The following TIA1 variants were observed in gnomAD, a reference collection of about 807,000 sequenced individuals.
The protein encoded by TIA1 is cytotoxic granule associated RNA binding protein TIA1.
Under a neutral mutation model 65.9 loss-of-function variants are expected in TIA1, and 23 were observed. The observed-to-expected ratio is 0.35, with a 90% CI of 0.25 to 0.49. The LOEUF (loss-of-function observed/expected upper bound fraction) is 0.49. Ranked by LOEUF, TIA1 falls within the 20% of genes least tolerant of loss-of-function variation. The pLI is 0.98. For synonymous variants in TIA1, 147 were observed against 149.4 expected (o/e 0.98, Z 0.12); for missense variants, 371 against 477.9 (o/e 0.78, Z 2.09).
At chr2:70,215,772 G>C in intron 10 of TIA1, 1 of 339,800 alleles carries the variant, frequency 2.9e-6, no homozygotes, top group South Asian at 3.2e-5. Context: ...TTTTGAGATG[G>C]TGTCTGGCTC....
At chr2:70,243,282 C>A (rs1382121647) in intron 1 of TIA1, among the ~76,000 whole-genome samples, 1 of 152,026 alleles carries the variant, frequency 6.6e-6, no homozygotes, top group Non-Finnish European at 1.5e-5. Context: ...TAAAAATTAG[C>A]CAGACATGGT....
At chr2:70,227,709 G>A (rs1348727678) in intron 6 of TIA1, 26 bp downstream of exon 6, 5 of 1,447,308 alleles carry the variant, frequency 3.5e-6, no homozygotes, top group Non-Finnish European at 3.8e-6. Flanking sequence ...TAATTAAAAG[G>A]ATTTTATTTA....
Position 70,216,309 on chromosome 2 carries a change from C to CA in TIA1, c.680-18dup, listed in dbSNP as rs749618875. On this transcript the variant is annotated splice_polypyrimidine_tract_variant and intron_variant, in intron 9 of 12. Coordinates refer to ENST00000433529, the MANE Select transcript of TIA1 (RefSeq NM_022173.4). ...TTAGTTGTTCTGTTAGACAAAAAAC[C>CA]AAAACAAACAAATCACACTAAGTTA... 15 of 1,580,164 alleles carry CA rather than the reference C, an allele frequency of 9.5e-6. No individual in the cohort carries two copies. In the African/African-American group the frequency reaches 1.6e-4, roughly 17 times the overall value.
intron 6 of TIA1, 51 bp downstream of exon 6, chr2:70,227,684 A>G: frequency 8.3e-7 from 1 of 1,198,666 alleles, no homozygotes; most frequent in Non-Finnish European, 1.2e-6. Context: ...AGTTATGTCT[A>G]CATATAATTG....
At position 70,211,173 on chromosome 2, in the gene TIA1, G is replaced by A. The variant is rs983507815; in HGVS notation, c.*1546C>T. On this transcript the variant is annotated 3_prime_UTR_variant, in exon 13 of 13. Coordinates refer to ENST00000433529, the MANE Select transcript of TIA1 (RefSeq NM_022173.4). ...CCTTTCCTCTTGAGTAAAGGAAGAA[G>A]GAGGTTTGTGATCTTCACTGAAAAC... is the stretch of plus-strand genomic sequence containing the variant. 1 of 152,094 alleles carries A rather than the reference G, an allele frequency of 6.6e-6. No individual in the cohort carries two copies. The highest frequency in any genetic ancestry group is 1.5e-5 in the Non-Finnish European group (1 of 68,024). 9.4% of individuals were successfully genotyped at this position (152,094 alleles called of 1,614,324 possible).
chr2:70,214,653 A>C (rs889862989), intron 11 of TIA1, among the ~76,000 whole-genome samples, 159 bp from the exon 12 acceptor site: 5 of 151,908 alleles, frequency 3.3e-5, no homozygotes, highest in Admixed American at 6.6e-5. Context: ...AAAAAAAAAA[A>C]AAAAACAAAA....
chr2:70,245,280 C>A (rs767348554), intron 1 of TIA1, among the ~76,000 whole-genome samples: 3 of 152,184 alleles, frequency 2.0e-5, no homozygotes, highest in Admixed American at 6.5e-5. Flanking sequence ...AGCCACCATG[C>A]CTGGCCAGCT....
chr2:70,238,535 TA>T (rs1357905496), intron 1 of TIA1, among the ~76,000 whole-genome samples: 1 of 152,080 alleles, frequency 6.6e-6, no homozygotes, highest in African/African-American at 2.4e-5. Flanking sequence ...TTGTTCAATT[TA>T]GGTAGACTTT....
chr2:70,238,463 G>A (rs1690136965), intron 1 of TIA1, among the ~76,000 whole-genome samples: 1 of 151,258 alleles, frequency 6.6e-6, no homozygotes, highest in Non-Finnish European at 1.5e-5. Flanking sequence ...GGTAGAGACG[G>A]GGTTTCACCA....
intron 10 of TIA1, 109 bp downstream of exon 10, chr2:70,216,099 G>T: frequency 9.6e-7 from 1 of 1,038,930 alleles, no homozygotes. Flanking sequence ...AGAAAACGAG[G>T]TAAATGTTCA....
At chr2:70,216,125 GA>G (rs1678536145) in intron 10 of TIA1, 82 bp downstream of exon 10, 1 of 1,174,566 alleles carries the variant, frequency 8.5e-7, no homozygotes, top group East Asian at 2.7e-5. Flanking sequence ...TATTTTGGAG[GA>G]AAAAGTTTTT....
intron 5 of TIA1, chr2:70,228,573 T>C: frequency 9.0e-7 from 1 of 1,105,494 alleles, no homozygotes; most frequent in Non-Finnish European, 1.1e-6. Flanking sequence ...AAAAGACAAT[T>C]ATCAAAAAAA....
rs762783979 is a variant in TIA1, at chr2:70,217,002, G to A, written c.475-8C>T. The A allele has an allele frequency of 4.1e-5, 65 of 1,603,346 alleles. No homozygotes were observed. Among genetic ancestry groups the A allele is most frequent in the African/African-American group, 5.4e-5 (4 of 74,312 alleles). On this transcript the variant is annotated splice_region_variant and splice_polypyrimidine_tract_variant and intron_variant, in intron 7 of 12. Coordinates refer to ENST00000433529, the MANE Select transcript of TIA1 (RefSeq NM_022173.4). The stretch of plus-strand genomic sequence containing the variant: ...AATGGCGTTTTCAGCATCCTGTTCC[G>A]TACAACATTAGAAACAATAAAGAAG...
rs11380260 is a variant in TIA1 at position 70,242,494 on chromosome 2, C to CAAAAAAAA, written c.26+5903_26+5910dup. 7.8e-4 allele frequency among the ~76,000 whole-genome samples: 26 copies of CAAAAAAAA among 33,468 alleles called. 3 individuals carry two copies. The highest frequency in any genetic ancestry group is 3.5e-3 in the African/African-American group (25 of 7,048). 22.0% of individuals were successfully genotyped at this position (33,468 alleles called of 152,430 possible). A position where few individuals can be genotyped will look rare whatever the true frequency, so the allele number is the denominator to read the frequency against. Reference sequence around the variant, plus strand: ...AGCCTGAGTGACAGAGACTCAGTCTCAAAAAAAAAAAAAAAAAAAAAAAAA... The same window carrying CAAAAAAAA: ...AGCCTGAGTGACAGAGACTCAGTCTCAAAAAAAAAAAAAAAAAAAAAAAAAAAAAAAAA... On this transcript the variant is annotated intron_variant, in intron 1 of 12. Coordinates refer to ENST00000433529, the MANE Select transcript of TIA1 (RefSeq NM_022173.4).
rs539385080 is a variant in TIA1 at position 70,210,523 on chromosome 2, A to G, written c.*2196T>C. 6.6e-6 allele frequency: 1 copy of G among 152,304 alleles called. No homozygotes were observed. Among genetic ancestry groups the G allele is most frequent in the African/African-American group, 2.4e-5 (1 of 41,586 alleles). 9.4% of individuals were successfully genotyped at this position (152,304 alleles called of 1,614,324 possible). On this transcript the variant is annotated 3_prime_UTR_variant, in exon 13 of 13. Transcript: ENST00000433529. ...CCACTTTCTTCTCAGAAAGTAGTCA[A>G]TGTACATTTTAAGATTTGTGCAATA... is the stretch of plus-strand genomic sequence containing the variant.
intron 10 of TIA1, chr2:70,215,732 C>G: frequency 2.4e-6 from 1 of 424,264 alleles, no homozygotes; most frequent in East Asian, 4.7e-5. Flanking sequence ...GGCAAATACG[C>G]TGGATGCTAG....
chr2:70,231,513 T>TTA (rs1686284209), intron 2 of TIA1, among the ~76,000 whole-genome samples: 1 of 152,006 alleles, frequency 6.6e-6, no homozygotes, highest in East Asian at 1.9e-4. Context: ...CTTCAACAGG[T>TTA]TATACTATAG....
At position 70,215,382 on chromosome 2, in the gene TIA1, G is replaced by C; in HGVS notation, c.877C>G (p.Pro293Ala). ...AAGAACCCTCTCACCTGTTGCACGG[G>C]ATTTATCATATCAAGAGTTTCTTTG... is the stretch of plus-strand genomic sequence containing the variant. ...WGKETLDMIN[P>A]VQQQNQIGYP... Residue 293 changes from proline to alanine, a missense_variant, in exon 11 of 13, where the codon CCC (proline) becomes GCC (alanine). Physicochemically the swap from Pro to Ala is conservative, Grantham distance 27 (BLOSUM62 -1). Coordinates refer to ENST00000433529, the MANE Select transcript of TIA1 (RefSeq NM_022173.4). 6.2e-7 allele frequency: 1 copy of C among 1,613,978 alleles called. No homozygotes were observed. The highest frequency in any genetic ancestry group is 1.1e-5 in the South Asian group (1 of 91,080).
In TIA1 at chr2:70,230,851, C is replaced by G; in HGVS notation, c.127G>C (p.Ala43Pro). ...CKNCKMIMDT[A>P]GNDPYCFVEF... ...ACAAAACAATAGGGATCATTTCCAG[C>G]TGTCTGTGGGAGAAGAAACACAAAA... The change falls in exon 3 of 13, where the codon GCT becomes CCT. Residue 43 changes from alanine to proline, a missense_variant. Coordinates refer to ENST00000433529, the MANE Select transcript of TIA1 (RefSeq NM_022173.4). 6.2e-7 allele frequency: 1 copy of G among 1,607,910 alleles called. No homozygotes were observed. The highest frequency in any genetic ancestry group is 8.5e-7 in the Non-Finnish European group (1 of 1,177,990).
Sources: gnomAD v4.1 joint callset for allele counts (sites outside exome capture counted in the v4.1 genomes callset) on GRCh38, gnomAD v4.1.1 for gene constraint, MANE v1.5 for transcripts, NCBI Gene and HGNC (gene_info 2026-07-23, HGNC 2026-07-21) for gene names.